CAMKK1: variants seen among roughly 807,000 people sequenced by gnomAD.
CAMKK1 encodes calcium/calmodulin dependent protein kinase kinase 1, also known as calcium/calmodulin-dependent protein kinase kinase 1.
A neutral mutation model predicts 63.5 loss-of-function variants in CAMKK1; 20 were observed. That is an observed-to-expected ratio of 0.32 (90% CI 0.22 to 0.46). CAMKK1 has a LOEUF of 0.46. CAMKK1 is among the 20% of genes least tolerant of loss of function. CAMKK1 has a pLI of 1.00. For missense variants in CAMKK1, 588 were observed against 658.1 expected, an observed-to-expected ratio of 0.89 and a Z score of 1.17; for synonymous variants, 253 against 269.0, an observed-to-expected ratio of 0.94 and a Z score of 0.58.
chr17:3,863,458 A>G (rs2143770959), intron 15 of CAMKK1, among the ~76,000 whole-genome samples: 1 of 152,374 alleles, frequency 6.6e-6, no homozygotes, highest in African/African-American at 2.4e-5. Context: ...AGTTTGCGCC[A>G]CTGCACTCCA....
At chr17:3,864,307 C>A (rs2054430484) in intron 15 of CAMKK1, among the ~76,000 whole-genome samples, 1 of 151,572 alleles carries the variant, frequency 6.6e-6, no homozygotes, top group African/African-American at 2.4e-5. Context: ...AGTGCAGTGG[C>A]GTGACCTTGG....
Position 3,879,868 on chromosome 17 carries a change from T to G in CAMKK1, c.796+478A>C, listed in dbSNP as rs2055330549. The G allele has an allele frequency of 6.3e-6, 1 of 157,892 alleles. No individual in the cohort carries two copies. The highest frequency in any genetic ancestry group is 1.4e-5 in the Non-Finnish European group (1 of 71,516). 9.8% of individuals were successfully genotyped at this position (157,892 alleles called of 1,614,324 possible). Reference sequence around the variant, plus strand: ...ACCCCTATGCCCCCAGGCAAGTGAATGTAGCTAATGAATGAAATGAGACAG... The same window carrying G: ...ACCCCTATGCCCCCAGGCAAGTGAAGGTAGCTAATGAATGAAATGAGACAG... On this transcript the variant is annotated intron_variant, in intron 9 of 15. Transcript: ENST00000348335. This position sits in a 1 kb window ranked among gnomAD's most constrained non-coding sequence, Gnocchi z 4.5.
chr17:3,890,105 G>A lies in CAMKK1; in HGVS notation c.-44+2834C>T, dbSNP rs529577061. Among the ~76,000 whole-genome samples, 5 of 152,334 alleles carry A rather than the reference G, an allele frequency of 3.3e-5. No homozygotes were observed. The East Asian group carries it at 9.7e-4, about 29-fold the overall frequency. Reference sequence around the variant, plus strand: ...CCACCCAGGCCAGACACAGAAGGTGGTCCTCCCATGCCTGGGCCGCCTCAC... The same window carrying A: ...CCACCCAGGCCAGACACAGAAGGTGATCCTCCCATGCCTGGGCCGCCTCAC... On this transcript the variant is annotated intron_variant, in intron 1 of 15. Coordinates refer to ENST00000348335, the MANE Select transcript of CAMKK1 (RefSeq NM_032294.3). This position sits in a 1 kb window ranked among gnomAD's most constrained non-coding sequence, Gnocchi z 6.5.
chr17:3,882,314 G>A lies in CAMKK1; in HGVS notation c.685+214C>T, dbSNP rs1397859619. The A allele has an allele frequency of 1.2e-6, 2 of 1,614,150 alleles. No homozygotes were observed. Among genetic ancestry groups the A allele is most frequent in the South Asian group, 1.1e-5 (1 of 91,080 alleles). On this transcript the variant is annotated intron_variant, in intron 7 of 15. Coordinates refer to ENST00000348335, the MANE Select transcript of CAMKK1 (RefSeq NM_032294.3). The surrounding 1 kb of genome is among the most constrained non-coding windows in gnomAD (Gnocchi z 4.3). ...TGCTGCTCAGAGGGAAGCAGGGAGT[G>A]GGGCTTGGCGATATTTGTTGAATCT...
chr17:3,891,212 C>G (rs1049804285), intron 1 of CAMKK1, among the ~76,000 whole-genome samples: 1 of 151,936 alleles, frequency 6.6e-6, no homozygotes, highest in African/African-American at 2.4e-5. Flanking sequence ...TCTGTGCAAG[C>G]CTGTGTGGGG....
intron 10 of CAMKK1, among the ~76,000 whole-genome samples, chr17:3,873,794 T>C (rs1318349768): frequency 3.3e-5 from 5 of 152,176 alleles, no homozygotes; most frequent in African/African-American, 1.2e-4. Flanking sequence ...ACCCCAGGAA[T>C]GATGGTATAT....
intron 1 of CAMKK1, 119 bp from the exon 2 acceptor site, chr17:3,885,849 G>T: frequency 9.8e-7 from 1 of 1,024,142 alleles, no homozygotes; most frequent in Non-Finnish European, 1.4e-6. Context: ...CCCTCTACCG[G>T]GATTGCCAAC....
chr17:3,872,998 C>A (rs2054961791), intron 11 of CAMKK1, among the ~76,000 whole-genome samples: 4 of 152,206 alleles, frequency 2.6e-5, no homozygotes, highest in Admixed American at 2.6e-4. Flanking sequence ...AGCAGGCACA[C>A]CTGCGGGCAG....
chr17:3,876,083 G>T, intron 10 of CAMKK1, 140 bp downstream of exon 10: 1 of 779,704 alleles, frequency 1.3e-6, no homozygotes. Flanking sequence ...TGTGGAGTTT[G>T]TCAGGCTCCA....
In CAMKK1 at chr17:3,867,987, G is replaced by T. The variant is rs1163882672; in HGVS notation, c.1341+1500C>A. Among the ~76,000 whole-genome samples, 10 of 119,472 alleles carry T rather than the reference G, an allele frequency of 8.4e-5. 1 individual carries two copies. The highest frequency in any genetic ancestry group is 1.4e-4 in the Non-Finnish European group (8 of 57,162). 78.4% of individuals were successfully genotyped at this position (119,472 alleles called of 152,430 possible). On this transcript the variant is annotated intron_variant, in intron 14 of 15. Transcript: ENST00000348335. The stretch of plus-strand genomic sequence containing the variant: ...TACGCAGGATCTGGGGGAGATGCAG[G>T]CACCGTCTAACTGATACGCGGGCTC...
Position 3,883,541 on chromosome 17 carries a change from G to T in CAMKK1, c.463-61C>A, listed in dbSNP as rs1287158253. The T allele has an allele frequency of 7.3e-7, 1 of 1,361,614 alleles. No individual in the cohort carries two copies. The highest frequency in any genetic ancestry group is 1.1e-6 in the Non-Finnish European group (1 of 949,990). The allele number at this position is 1,361,614 out of a possible 1,614,324, so 84.3% of individuals were successfully genotyped here. A position where few individuals can be genotyped will look rare whatever the true frequency, so the allele number is the denominator to read the frequency against. On this transcript the variant is annotated intron_variant, in intron 4 of 15. Transcript: ENST00000348335. This position sits in a 1 kb window ranked among gnomAD's most constrained non-coding sequence, Gnocchi z 4.7. ...AGCCACCAGGGGCTAGAACAGGCTG[G>T]TACATGTGGACTGAGGTCCGGAGAG...
In CAMKK1 at chr17:3,891,109, TGG is replaced by T. The variant is rs3048767; in HGVS notation, c.-44+1828_-44+1829del. Among the ~76,000 whole-genome samples, 178 of 133,400 alleles carry T rather than the reference TGG, an allele frequency of 1.3e-3. No homozygotes were observed. The Middle Eastern group carries it at 0.018, about 13-fold the overall frequency. 87.5% of individuals were successfully genotyped at this position (133,400 alleles called of 152,430 possible). On this transcript the variant is annotated intron_variant, in intron 1 of 15. Coordinates refer to ENST00000348335, the MANE Select transcript of CAMKK1 (RefSeq NM_032294.3). ...AGTGGCCTCAGACTGGGGGCAAGGT[TGG>T]GGGGGGGGTCACAGGCTAGGGAGCA...
intron 9 of CAMKK1, among the ~76,000 whole-genome samples, chr17:3,877,266 T>A (rs2055208456): frequency 1.3e-5 from 2 of 152,084 alleles, no homozygotes; most frequent in African/African-American, 4.8e-5. Context: ...CTGATGGGGT[T>A]TCAGAGAGAT....
rs1223084550 is a variant in CAMKK1, at chr17:3,892,036, G to T, written c.-44+903C>A. Reference sequence around the variant, plus strand: ...ATTTGTATGTACTGGAGGAAAGAGGGCAGGGCTTGGGGAGGCCAGCGCCAC... The same window carrying T: ...ATTTGTATGTACTGGAGGAAAGAGGTCAGGGCTTGGGGAGGCCAGCGCCAC... On this transcript the variant is annotated intron_variant, in intron 1 of 15. Transcript: ENST00000348335. This position sits in a 1 kb window ranked among gnomAD's most constrained non-coding sequence, Gnocchi z 7.5. Among the ~76,000 whole-genome samples, 7 of 152,058 alleles carry T rather than the reference G, an allele frequency of 4.6e-5. No individual in the cohort carries two copies. The highest frequency in any genetic ancestry group is 1.7e-4 in the African/African-American group (7 of 41,384).
intron 10 of CAMKK1, 145 bp from the exon 11 acceptor site, chr17:3,873,607 G>C: frequency 1.3e-6 from 1 of 786,424 alleles, no homozygotes; most frequent in Middle Eastern, 2.8e-4. Flanking sequence ...GTACTTGCCC[G>C]ATGCTGGGCC....
intron 12 of CAMKK1, among the ~76,000 whole-genome samples, chr17:3,870,891 C>A (rs1448923696): frequency 6.6e-6 from 1 of 152,064 alleles, no homozygotes; most frequent in Non-Finnish European, 1.5e-5. Context: ...GGAAGGCAAC[C>A]ACAGGATGAG....
chr17:3,880,924 G>A (rs2055383997), intron 8 of CAMKK1, among the ~76,000 whole-genome samples: 1 of 152,104 alleles, frequency 6.6e-6, no homozygotes, highest in Non-Finnish European at 1.5e-5. Flanking sequence ...TTGGATAGAG[G>A]TCAAAACATT....
At chr17:3,871,581 C>T (rs1161895661) in intron 12 of CAMKK1, among the ~76,000 whole-genome samples, 4 of 149,864 alleles carry the variant, frequency 2.7e-5, no homozygotes, top group Admixed American at 2.0e-4. Context: ...TGGTCTCGAT[C>T]TCCTGACCTC....
chr17:3,891,107 G>T (rs2055883645), intron 1 of CAMKK1, among the ~76,000 whole-genome samples: 1 of 135,798 alleles, frequency 7.4e-6, no homozygotes, highest in Non-Finnish European at 1.5e-5. Context: ...TGGGGGCAAG[G>T]TTGGGGGGGG....
Sources: gnomAD v4.1 joint callset for allele counts (sites outside exome capture counted in the v4.1 genomes callset) on GRCh38, gnomAD v4.1.1 for gene constraint, Gnocchi (gnomAD v3.1) non-coding constraint, MANE v1.5 for transcripts, NCBI Gene and HGNC (gene_info 2026-07-23, HGNC 2026-07-21) for gene names.